The following DRICH1 variants were observed in gnomAD, a reference collection of about 807,000 sequenced individuals.
DRICH1 encodes aspartate rich 1, also known as aspartate-rich protein 1.
A neutral mutation model predicts 39.5 loss-of-function variants in DRICH1; 38 were observed. The observed-to-expected ratio is 0.96, with a 90% CI of 0.74 to 1.26. The LOEUF (loss-of-function observed/expected upper bound fraction) is 1.26, where lower values mean the gene tolerates loss of function less well. Ranked by LOEUF, DRICH1 falls within the 50% of genes most tolerant of loss-of-function variation. The probability of loss-of-function intolerance (pLI) is 0.00; values close to 1 mark genes in which losing one functional copy is unlikely to be tolerated. For synonymous variants in DRICH1, 84 were observed against 99.5 expected, an observed-to-expected ratio of 0.84 and a Z score of 0.93; for missense variants, 279 against 270.4, an observed-to-expected ratio of 1.03 and a Z score of -0.22.
chr22:23,615,500 C>T (rs553696208), intron 8 of DRICH1, among the ~76,000 whole-genome samples: 1 of 152,228 alleles, frequency 6.6e-6, no homozygotes, highest in East Asian at 1.9e-4. Flanking sequence ...TGAAGATCCT[C>T]GGAAGTAAAG....
intron 1 of DRICH1, among the ~76,000 whole-genome samples, chr22:23,629,387 C>CA (rs1928260864): frequency 3.9e-5 from 6 of 152,164 alleles, no homozygotes; most frequent in African/African-American, 7.2e-5. Flanking sequence ...GAGTCAGTGG[C>CA]TGCTCATGCT....
chr22:23,620,763 A>G (rs2123782207), intron 4 of DRICH1, 148 bp from the exon 5 acceptor site: 1 of 877,786 alleles, frequency 1.1e-6, no homozygotes, highest in African/African-American at 1.7e-5. Flanking sequence ...TCTAGCATAG[A>G]GAACACCTGT....
At chr22:23,585,981 G>T in the DRICH1 span, among the ~76,000 whole-genome samples, 4 of 152,196 alleles carry the variant, frequency 2.6e-5, no homozygotes, top group Non-Finnish European at 5.9e-5. Flanking sequence ...TCTTTGAAGA[G>T]AATATGTACT....
chr22:23,597,048 GTTACA>G, the DRICH1 span, among the ~76,000 whole-genome samples: 7 of 149,516 alleles, frequency 4.7e-5, no homozygotes, highest in African/African-American at 1.7e-4. Flanking sequence ...TGTACTAATT[GTTACA>G]TCTTCTTGAT....
chr22:23,614,229 A>G lies in DRICH1; in HGVS notation c.542-15T>C. 6.3e-7 allele frequency: 1 copy of G among 1,597,066 alleles called. No homozygotes were observed. Among genetic ancestry groups the G allele is most frequent in the South Asian group, 1.1e-5 (1 of 90,722 alleles). ...TTCAGAACAAGCTGGAAGGACACAG[A>G]GGAAAGATCAGTGCACCGGTGGTTG... On this transcript the variant is annotated splice_polypyrimidine_tract_variant and intron_variant, in intron 8 of 11. Coordinates refer to ENST00000317749, the MANE Select transcript of DRICH1 (RefSeq NM_016449.4).
chr22:23,622,225 G>A (rs1927787566), intron 3 of DRICH1, 49 bp from the exon 4 acceptor site: 6 of 1,536,172 alleles, frequency 3.9e-6, no homozygotes, highest in Non-Finnish European at 5.4e-6. Context: ...TTGTGACTGT[G>A]AGTCACTCAG....
chr22:23,594,387 G>C, the DRICH1 span, among the ~76,000 whole-genome samples: 1 of 152,140 alleles, frequency 6.6e-6, no homozygotes. Flanking sequence ...TGGTCAACAC[G>C]GCAAAACCCC....
chr22:23,599,598 G>A, the DRICH1 span, among the ~76,000 whole-genome samples: 35 of 152,144 alleles, frequency 2.3e-4, 1 homozygote, highest in Admixed American at 2.0e-3. Context: ...TGCTTTTATG[G>A]GGGCCCATGT....
Position 23,632,269 on chromosome 22 carries a change from C to T in DRICH1, c.-246G>A, listed in dbSNP as rs2123805484. 1 of 570,682 alleles carries T rather than the reference C, an allele frequency of 1.8e-6. No individual in the cohort carries two copies. The highest frequency in any genetic ancestry group is 3.0e-6 in the Non-Finnish European group (1 of 330,582). The allele number at this position is 570,682 out of a possible 1,614,324, so 35.4% of individuals were successfully genotyped here. On this transcript the variant is annotated 5_prime_UTR_variant, in exon 1 of 12. Transcript: ENST00000317749. ...CAAGCACCCAAAGGTGCAAAAACTG[C>T]CATCAAAGAGCACAGTTGGAGCTCC...
downstream of DRICH1, chr22:23,608,296 T>TA (rs1403156681): frequency 6.0e-6 from 1 of 167,244 alleles, no homozygotes; most frequent in Non-Finnish European, 1.3e-5. Flanking sequence ...TGCAGGCCCA[T>TA]ATGCACACCT....
intron 11 of DRICH1, among the ~76,000 whole-genome samples, chr22:23,610,969 G>A (rs1416965142): frequency 1.3e-5 from 2 of 148,950 alleles, no homozygotes; most frequent in African/African-American, 2.5e-5. Context: ...TCCATCACAT[G>A]CTCTATGGAC....
the DRICH1 span, among the ~76,000 whole-genome samples, chr22:23,592,716 G>A: frequency 6.6e-6 from 1 of 152,146 alleles, no homozygotes; most frequent in Non-Finnish European, 1.5e-5. Flanking sequence ...AAGACTTCCA[G>A]CCAGGTGGCT....
In DRICH1 at chr22:23,627,068, ATTTTTTTT is replaced by A. The variant is rs141545226; in HGVS notation, c.209-1028_209-1021del. 6.9e-4 allele frequency among the ~76,000 whole-genome samples: 88 copies of A among 127,350 alleles called. 1 individual carries two copies. Among genetic ancestry groups the A allele is most frequent in the African/African-American group, 2.4e-3 (75 of 31,716 alleles). 83.5% of individuals were successfully genotyped at this position (127,350 alleles called of 152,430 possible). A position where few individuals can be genotyped will look rare whatever the true frequency, so the allele number is the denominator to read the frequency against. ...CGGTGGCTGTTGTGATGAGGTTCTG[ATTTTTTTT>A]TTTTTTTTTTTTTGAGACGGAGTTT... On this transcript the variant is annotated intron_variant, in intron 1 of 11. Transcript: ENST00000317749.
chr22:23,620,514 C>A (rs1602342451), intron 5 of DRICH1, 80 bp downstream of exon 5: 1 of 1,475,826 alleles, frequency 6.8e-7, no homozygotes, highest in East Asian at 2.3e-5. Flanking sequence ...ATATTTTTAA[C>A]AGGAACCCAG....
chr22:23,602,712 G>T, the DRICH1 span, among the ~76,000 whole-genome samples: 7 of 152,080 alleles, frequency 4.6e-5, no homozygotes, highest in South Asian at 4.2e-4. Flanking sequence ...AGAAATTTGG[G>T]GGGGGGTGGA....
chr22:23,623,991 A>T, intron 3 of DRICH1: 1 of 979,466 alleles, frequency 1.0e-6, no homozygotes, highest in Non-Finnish European at 1.2e-6. Context: ...CAGAATGCTG[A>T]CAGTGTGCTC....
intron 1 of DRICH1, among the ~76,000 whole-genome samples, chr22:23,628,590 C>T (rs781130537): frequency 1.1e-4 from 16 of 152,102 alleles, no homozygotes; most frequent in Non-Finnish European, 2.4e-4. Flanking sequence ...CAAACAAAAA[C>T]ACATTTCTGA....
chr22:23,617,941 A>G (rs530605914), intron 6 of DRICH1, among the ~76,000 whole-genome samples: 1 of 152,314 alleles, frequency 6.6e-6, no homozygotes, highest in East Asian at 1.9e-4. Flanking sequence ...AATGTTTTGA[A>G]ACTCTTCTAA....
At chr22:23,589,126 A>ACACC in the DRICH1 span, among the ~76,000 whole-genome samples, 113 of 138,850 alleles carry the variant, frequency 8.1e-4, no homozygotes, top group Non-Finnish European at 1.5e-3. Context: ...ACACACACAC[A>ACACC]CCCCTTTGAT....
Sources: allele counts gnomAD v4.1 joint callset (sites outside exome capture counted in the v4.1 genomes callset), GRCh38; gene constraint gnomAD v4.1.1; transcripts MANE v1.5; gene names NCBI Gene and HGNC (gene_info 2026-07-23, HGNC 2026-07-21).